The following ALK variants were observed in gnomAD, a reference collection of about 807,000 sequenced individuals.
The protein encoded by ALK is ALK receptor tyrosine kinase.
A neutral mutation model predicts 163.1 loss-of-function variants in ALK; 74 were observed. The observed-to-expected ratio is 0.45, with a 90% CI of 0.38 to 0.55. The LOEUF (loss-of-function observed/expected upper bound fraction) is 0.55. Ranked by LOEUF, ALK falls within the 20% of genes least tolerant of loss-of-function variation. ALK has a pLI of 0.00. For missense variants in ALK, 2,063 were observed against 2,105.3 expected (o/e 0.98, Z 0.39); for synonymous variants, 960 against 843.2 (o/e 1.14, Z -2.40).
chr2:29,704,672 G>A, intron 2 of ALK, among the ~76,000 whole-genome samples: 1 of 152,148 alleles, frequency 6.6e-6, no homozygotes, highest in Admixed American at 6.5e-5. Flanking sequence ...CCTCCTGCAT[G>A]TATTCTTCTG....
At chr2:29,591,504 T>C (rs1675060044) in intron 3 of ALK, among the ~76,000 whole-genome samples, 1 of 152,078 alleles carries the variant, frequency 6.6e-6, no homozygotes, top group Admixed American at 6.5e-5. Flanking sequence ...CGTGAAACAT[T>C]AAGGCTGATG....
At chr2:29,292,934 G>C (rs1040970910) in intron 9 of ALK, among the ~76,000 whole-genome samples, 1 of 152,272 alleles carries the variant, frequency 6.6e-6, no homozygotes, top group East Asian at 1.9e-4. Context: ...TCTGACTAGA[G>C]CCCTTTTCTC....
At chr2:29,308,425 C>T (rs1447686251) in intron 8 of ALK, among the ~76,000 whole-genome samples, 2 of 152,006 alleles carry the variant, frequency 1.3e-5, no homozygotes, top group African/African-American at 2.4e-5. Context: ...GCAATAAATG[C>T]TATATTAAAA....
At chr2:29,577,075 A>C (rs1674545142) in intron 3 of ALK, among the ~76,000 whole-genome samples, 1 of 152,138 alleles carries the variant, frequency 6.6e-6, no homozygotes, top group Admixed American at 6.5e-5. Context: ...ACCAGTCCCC[A>C]GTGCCAAAAA....
At chr2:29,815,530 GA>G (rs1194358793) in intron 1 of ALK, among the ~76,000 whole-genome samples, 1 of 152,174 alleles carries the variant, frequency 6.6e-6, no homozygotes, top group Admixed American at 6.5e-5. Flanking sequence ...TGAGGAAGGA[GA>G]AGTTCTTGTT....
At chr2:29,432,737 CTTT>C (rs796207262) in intron 4 of ALK, among the ~76,000 whole-genome samples, 3 of 140,780 alleles carry the variant, frequency 2.1e-5, no homozygotes, top group Non-Finnish European at 3.1e-5. Flanking sequence ...TAGCCTTTTC[CTTT>C]TTTTTTTTTT....
At chr2:29,230,475 G>A (rs912118831) in intron 15 of ALK, among the ~76,000 whole-genome samples, 1 of 152,124 alleles carries the variant, frequency 6.6e-6, no homozygotes, top group African/African-American at 2.4e-5. Flanking sequence ...TGTGTCTGCC[G>A]GAACCCTACG....
intron 3 of ALK, among the ~76,000 whole-genome samples, chr2:29,634,556 G>A (rs1049238280): frequency 6.6e-6 from 1 of 152,078 alleles, no homozygotes; most frequent in African/African-American, 2.4e-5. Context: ...TGAAGAAAAA[G>A]CAATAGATAA....
At chr2:29,901,567 T>C (rs1290166294) in intron 1 of ALK, among the ~76,000 whole-genome samples, 3 of 152,188 alleles carry the variant, frequency 2.0e-5, no homozygotes, top group Admixed American at 6.5e-5. Flanking sequence ...CCCTACTTTA[T>C]CTGATTGCAT....
At chr2:29,202,286 C>G (rs1057441467) in intron 26 of ALK, among the ~76,000 whole-genome samples, 3 of 152,212 alleles carry the variant, frequency 2.0e-5, no homozygotes, top group Non-Finnish European at 4.4e-5. Flanking sequence ...CCCCCGCCCA[C>G]CTTTGCCAAA....
At chr2:29,510,291 C>T (rs1008184046) in intron 4 of ALK, among the ~76,000 whole-genome samples, 2 of 152,096 alleles carry the variant, frequency 1.3e-5, no homozygotes, top group Non-Finnish European at 2.9e-5. Flanking sequence ...CCTTAAGAGT[C>T]CCTGATGGCA....
intron 3 of ALK, among the ~76,000 whole-genome samples, chr2:29,615,307 A>AC (rs1218548922): frequency 5.9e-5 from 9 of 151,982 alleles, no homozygotes; most frequent in Admixed American, 5.9e-4. Context: ...GGTAAAGCTA[A>AC]CCCCTCTTTC....
intron 20 of ALK, 80 bp from the exon 21 acceptor site, chr2:29,222,687 G>T: frequency 2.4e-6 from 3 of 1,236,938 alleles, no homozygotes; most frequent in African/African-American, 1.5e-5. Flanking sequence ...GAGCCTGGGC[G>T]TCACATTTAG....
At chr2:29,700,827 C>A (rs1678711294) in intron 2 of ALK, among the ~76,000 whole-genome samples, 1 of 152,148 alleles carries the variant, frequency 6.6e-6, no homozygotes, top group Non-Finnish European at 1.5e-5. Context: ...CAAAGACATA[C>A]CCAGTCTCCC....
At chr2:29,273,510 C>G (rs980292802) in intron 11 of ALK, among the ~76,000 whole-genome samples, 2 of 152,156 alleles carry the variant, frequency 1.3e-5, no homozygotes, top group African/African-American at 4.8e-5. Flanking sequence ...TACTGAGTAA[C>G]CTTTTAGGGA....
chr2:29,486,548 G>C (rs1016418153), intron 4 of ALK, among the ~76,000 whole-genome samples: 3 of 152,144 alleles, frequency 2.0e-5, no homozygotes, highest in African/African-American at 7.2e-5. Flanking sequence ...GATCAATGAC[G>C]TCTTGAAGTC....
chr2:29,669,573 T>A (rs1445667781), intron 3 of ALK, among the ~76,000 whole-genome samples: 1 of 152,086 alleles, frequency 6.6e-6, no homozygotes, highest in Non-Finnish European at 1.5e-5. Flanking sequence ...GCCTTTTAAT[T>A]AGAGAATTGA....
intron 11 of ALK, among the ~76,000 whole-genome samples, chr2:29,259,589 A>G (rs901076331): frequency 5.3e-5 from 8 of 152,132 alleles, no homozygotes; most frequent in African/African-American, 1.9e-4. Flanking sequence ...TGTTATATAA[A>G]GTGTTGCTGT....
At chr2:29,468,814 A>T (rs915119756) in intron 4 of ALK, among the ~76,000 whole-genome samples, 2 of 134,496 alleles carry the variant, frequency 1.5e-5, no homozygotes, top group Non-Finnish European at 3.1e-5. Context: ...TGATCACACC[A>T]CTGCACTCTA....
Sources: gnomAD v4.1 joint callset for allele counts (sites outside exome capture counted in the v4.1 genomes callset) on GRCh38, gnomAD v4.1.1 for gene constraint, MANE v1.5 for transcripts, NCBI Gene and HGNC (gene_info 2026-07-23, HGNC 2026-07-21) for gene names.